MME: variants seen among roughly 807,000 people sequenced by gnomAD.
MME encodes membrane metalloendopeptidase, also known as neprilysin.
MME carries 98 observed loss-of-function variants against 113.2 expected under a neutral mutation model. The ratio of observed to expected loss-of-function variants is 0.87; its 90% CI spans 0.74 to 1.02. The LOEUF (loss-of-function observed/expected upper bound fraction) is 1.02, where lower values mean the gene tolerates loss of function less well. MME is among the 50% of genes least tolerant of loss of function. The pLI, the probability that MME is intolerant of heterozygous loss-of-function variation, is 0.00. For synonymous variants in MME, 292 were observed against 300.6 expected (o/e 0.97, Z 0.30); for missense variants, 836 against 896.0 (o/e 0.93, Z 0.86).
chr3:155,094,523 A>C (rs1216467555), intron 3 of MME, among the ~76,000 whole-genome samples: 2 of 152,224 alleles, frequency 1.3e-5, no homozygotes, highest in African/African-American at 2.4e-5. Context: ...TCAAATCAAA[A>C]GGCGAACAGT....
chr3:155,105,995 C>T (rs571993952), intron 3 of MME, among the ~76,000 whole-genome samples: 1 of 152,136 alleles, frequency 6.6e-6, no homozygotes, highest in African/African-American at 2.4e-5. Context: ...TGTGTGTATG[C>T]ATATTTGTTG....
intron 1 of MME, among the ~76,000 whole-genome samples, chr3:155,074,595 C>G (rs1714684015): frequency 6.6e-6 from 1 of 152,036 alleles, no homozygotes; most frequent in South Asian, 2.1e-4. Context: ...CGACACCCAT[C>G]AGATTTTTGT....
chr3:155,038,686 T>C lies in MME; in HGVS notation c.-11+14362T>C, dbSNP rs1480484632. Among the ~76,000 whole-genome samples the C allele has an allele frequency of 5.3e-5, 8 of 152,280 alleles. No homozygotes were observed. In the East Asian group the frequency reaches 1.5e-3, roughly 29 times the overall value. On this transcript the variant is annotated intron_variant, in intron 1 of 22. Transcript: ENST00000492661. ...AGATAGTACTGAACCCTGTGTACAC[T>C]ATGCACAAACTTCTTTTTTCTTCTT... is the stretch of plus-strand genomic sequence containing the variant.
At chr3:155,071,030 T>A (rs1714533590) in intron 1 of MME, among the ~76,000 whole-genome samples, 1 of 152,184 alleles carries the variant, frequency 6.6e-6, no homozygotes, top group African/African-American at 2.4e-5. Flanking sequence ...ATGAATCATA[T>A]GCACATGTTC....
chr3:155,078,420 A>G (rs535224519), upstream of MME, among the ~76,000 whole-genome samples: 3 of 152,238 alleles, frequency 2.0e-5, no homozygotes, highest in South Asian at 6.2e-4. Flanking sequence ...TATTAATCGA[A>G]TTATTTAAAG....
intron 1 of MME, chr3:155,083,439 T>G (rs1272269750): frequency 6.6e-6 from 1 of 152,362 alleles, no homozygotes; most frequent in Non-Finnish European, 1.5e-5. Flanking sequence ...TTGTACTATT[T>G]TGTTTACTTA....
chr3:155,061,906 C>T (rs1019161133), intron 1 of MME, among the ~76,000 whole-genome samples: 6 of 152,130 alleles, frequency 3.9e-5, no homozygotes, highest in Non-Finnish European at 8.8e-5. Flanking sequence ...AGTGATCTGT[C>T]CGCCTCAGCC....
At chr3:155,076,145 G>C (rs932222892), upstream of MME, among the ~76,000 whole-genome samples, 2 of 152,166 alleles carry the variant, frequency 1.3e-5, no homozygotes, top group African/African-American at 4.8e-5. Context: ...AAATACTCAG[G>C]CTACACAATT....
At chr3:155,154,960 AGGCAGTATCTGCCAT>A (rs1722207993) in intron 16 of MME, among the ~76,000 whole-genome samples, 1 of 152,184 alleles carries the variant, frequency 6.6e-6, no homozygotes, top group African/African-American at 2.4e-5. Flanking sequence ...TAATTTCCCA[AGGCAGTATCTGCCAT>A]GGCATCCTCA....
chr3:155,144,090 G>C (rs545659235), intron 13 of MME, among the ~76,000 whole-genome samples: 63 of 152,160 alleles, frequency 4.1e-4, no homozygotes, highest in Admixed American at 3.6e-3. Context: ...AGTTCTTCCA[G>C]TATGATAGTG....
intron 1 of MME, among the ~76,000 whole-genome samples, chr3:155,038,967 G>C (rs776825883): frequency 6.6e-6 from 1 of 152,002 alleles, no homozygotes; most frequent in African/African-American, 2.4e-5. Flanking sequence ...TCCTCCATTT[G>C]AGCATTGTGT....
rs1343164856 is a variant in MME, at chr3:155,115,082, T to C, written c.285T>C (p.Asn95=). The C allele has an allele frequency of 1.2e-6, 2 of 1,614,186 alleles. No individual in the cohort carries two copies. Among genetic ancestry groups the C allele is most frequent in the Admixed American group, 3.3e-5 (2 of 60,020 alleles). The change falls in exon 4 of 23, where the codon AAT becomes AAC. Residue 95 remains asparagine, a synonymous_variant. Transcript: ENST00000360490. ...KYACGGWLKR[N]VIPETSSRYG... ...CTTGCGGAGGCTGGTTGAAACGTAATGTCATTCCCGAGACCAGCTCCCGTT... is the reference window on the plus strand; with the variant it reads ...CTTGCGGAGGCTGGTTGAAACGTAACGTCATTCCCGAGACCAGCTCCCGTT...
chr3:155,049,762 CA>C (rs1180009475), intron 1 of MME, among the ~76,000 whole-genome samples: 1 of 151,782 alleles, frequency 6.6e-6, no homozygotes, highest in Non-Finnish European at 1.5e-5. Flanking sequence ...GGTATGTCAT[CA>C]AAAAATGGAA....
rs1836917 is a variant in MME at position 155,143,119 on chromosome 3, A to G, written c.1189-324A>G. 0.36 allele frequency among the ~76,000 whole-genome samples: 55,424 copies of G among 151,968 alleles called. 10,618 individuals carry two copies. Among genetic ancestry groups the G allele is most frequent in the South Asian group, 0.56 (2,678 of 4,818 alleles). On this transcript the variant is annotated intron_variant, in intron 12 of 22. Transcript: ENST00000360490. ...TCATATACCATATTTCCCCCATTAC[A>G]TTTATTGAATATGACTTCACATTTA...
intron 8 of MME, among the ~76,000 whole-genome samples, chr3:155,137,662 C>CA (rs1720736834): frequency 6.6e-6 from 1 of 152,082 alleles, no homozygotes; most frequent in African/African-American, 2.4e-5. Flanking sequence ...GCTAAGACAG[C>CA]ACCACTGCAC....
At chr3:155,165,389 G>A (rs1723023691) in intron 17 of MME, among the ~76,000 whole-genome samples, 2 of 152,030 alleles carry the variant, frequency 1.3e-5, no homozygotes, top group South Asian at 4.1e-4. Flanking sequence ...TTCAGAAATA[G>A]TGAAATATAT....
intron 3 of MME, among the ~76,000 whole-genome samples, chr3:155,110,216 C>T (rs1718076075): frequency 6.6e-6 from 1 of 152,244 alleles, no homozygotes; most frequent in African/African-American, 2.4e-5. Flanking sequence ...TCCCCACCAG[C>T]CTTCTGCATT....
intron 8 of MME, among the ~76,000 whole-genome samples, chr3:155,134,492 A>C (rs2108296828): frequency 6.6e-6 from 1 of 152,302 alleles, no homozygotes; most frequent in South Asian, 2.1e-4. Context: ...ATGGCTGCAT[A>C]GTATTCCAGG....
chr3:155,083,840 A>G, intron 1 of MME: 4 of 321,994 alleles, frequency 1.2e-5, no homozygotes, highest in South Asian at 8.4e-5. Context: ...ATTTGCTTAT[A>G]AACTGCTGAA....
Sources: allele counts gnomAD v4.1 joint callset (sites outside exome capture counted in the v4.1 genomes callset), GRCh38; gene constraint gnomAD v4.1.1; transcripts MANE v1.5; gene names NCBI Gene and HGNC (gene_info 2026-07-23, HGNC 2026-07-21).